The following ACVR2B variants were observed in gnomAD, a reference collection of about 807,000 sequenced individuals.
ACVR2B encodes activin A receptor type 2B, also known as activin receptor type-2B.
In ACVR2B, 18 loss-of-function variants were observed where a neutral mutation model predicts 65.1. The observed-to-expected ratio is 0.28, with a 90% CI of 0.19 to 0.41. The LOEUF (loss-of-function observed/expected upper bound fraction) is 0.41. Among genes scored for constraint, ACVR2B ranks in the 10% least tolerant of loss-of-function variants. The probability of loss-of-function intolerance (pLI) is 1.00; values close to 1 mark genes in which losing one functional copy is unlikely to be tolerated. For missense variants in ACVR2B, 482 were observed against 682.7 expected (o/e 0.71, Z 3.28); for synonymous variants, 298 against 277.7 (o/e 1.07, Z -0.73).
In ACVR2B at chr3:38,489,909, A is replaced by G. The variant is rs1252762159; in HGVS notation, c.*6577A>G. 1.3e-5 allele frequency: 2 copies of G among 152,214 alleles called. No individual in the cohort carries two copies. The highest frequency in any genetic ancestry group is 6.5e-5 in the Admixed American group (1 of 15,276). 9.4% of individuals were successfully genotyped at this position (152,214 alleles called of 1,614,324 possible). On this transcript the variant is annotated 3_prime_UTR_variant, in exon 11 of 11. Transcript: ENST00000352511. ...GGCATGTGGATGCAGTGATCCAATT[A>G]AATGGAGAGCTGCCAGGCACATTTT...
In ACVR2B at chr3:38,477,178, C is replaced by T. The variant is rs943564202; in HGVS notation, c.53-109C>T. 1.1e-5 allele frequency: 15 copies of T among 1,347,666 alleles called. No individual in the cohort carries two copies. The African/African-American group carries it at 1.9e-4, about 17-fold the overall frequency. 83.5% of individuals were successfully genotyped at this position (1,347,666 alleles called of 1,614,324 possible). On this transcript the variant is annotated intron_variant, in intron 1 of 10. Coordinates refer to ENST00000352511, the MANE Select transcript of ACVR2B (RefSeq NM_001106.4). This position sits in a 1 kb window ranked among gnomAD's most constrained non-coding sequence, Gnocchi z 6.7. Reference sequence around the variant, plus strand: ...GCAGGAGGTTGGTGACCCCAACCCACCACCCGGCCTCCCTCCCTCAGGGTG... The same window carrying T: ...GCAGGAGGTTGGTGACCCCAACCCATCACCCGGCCTCCCTCCCTCAGGGTG...
chr3:38,473,633 A>T (rs1321517818), intron 1 of ACVR2B: 1 of 152,284 alleles, frequency 6.6e-6, no homozygotes, highest in African/African-American at 2.4e-5. Context: ...GCATGGTGTG[A>T]CTTGATGGGC....
rs749624641 is a variant in ACVR2B, at chr3:38,478,439, A to C, written c.587A>C (p.Lys196Thr). 3.7e-6 allele frequency: 6 copies of C among 1,614,134 alleles called. No homozygotes were observed. The South Asian group carries it at 5.5e-5, about 15-fold the overall frequency. ...GLKPLQLLEI[K>T]ARGRFGCVWK... Reference sequence around the variant, plus strand: ...AAGCCACTGCAGCTGCTGGAGATCAAGGCTCGGGGGCGCTTTGGCTGTGTC... The same window carrying C: ...AAGCCACTGCAGCTGCTGGAGATCACGGCTCGGGGGCGCTTTGGCTGTGTC... Residue 196 changes from lysine to threonine, a missense_variant, in exon 5 of 11, where the codon AAG becomes ACG. Lys to Thr is a moderately conservative substitution (Grantham distance 78). Transcript: ENST00000352511.
Position 38,477,580 on chromosome 3 carries a change from G to A in ACVR2B, c.260+86G>A. On this transcript the variant is annotated intron_variant, in intron 2 of 10. Transcript: ENST00000352511. The surrounding 1 kb of genome is among the most constrained non-coding windows in gnomAD (Gnocchi z 6.7). ...GCCATTTGGGTCTCAGGATGTCTGAGTGGGAGATAAAGGACCAAGAAGGGG... is the reference window on the plus strand; with the variant it reads ...GCCATTTGGGTCTCAGGATGTCTGAATGGGAGATAAAGGACCAAGAAGGGG... 3.4e-6 allele frequency: 5 copies of A among 1,476,314 alleles called. No homozygotes were observed. Among genetic ancestry groups the A allele is most frequent in the Non-Finnish European group, 4.7e-6 (5 of 1,074,976 alleles). The allele number at this position is 1,476,314 out of a possible 1,614,324, so 91.5% of individuals were successfully genotyped here.
At chr3:38,461,573 C>T (rs1709647656) in intron 1 of ACVR2B, among the ~76,000 whole-genome samples, 1 of 152,226 alleles carries the variant, frequency 6.6e-6, no homozygotes, top group East Asian at 1.9e-4. Context: ...AGGGCCAGGG[C>T]AATGTAGTCC....
chr3:38,470,100 G>C (rs1014358517), intron 1 of ACVR2B, among the ~76,000 whole-genome samples: 1 of 152,142 alleles, frequency 6.6e-6, no homozygotes, highest in African/African-American at 2.4e-5. Context: ...AGGGTTAAGA[G>C]ACTGGGCAGA....
At chr3:38,455,804 A>G (rs1709540677) in intron 1 of ACVR2B, among the ~76,000 whole-genome samples, 3 of 152,126 alleles carry the variant, frequency 2.0e-5, no homozygotes, top group Non-Finnish European at 4.4e-5. Flanking sequence ...CCTTTTCCCC[A>G]AGAAGGAGTG....
intron 1 of ACVR2B, chr3:38,476,004 G>C (rs1479978160): frequency 6.6e-6 from 1 of 152,334 alleles, no homozygotes; most frequent in African/African-American, 2.4e-5. Flanking sequence ...CTATCCTCTC[G>C]GGTGTCTGTG....
intron 1 of ACVR2B, among the ~76,000 whole-genome samples, chr3:38,466,161 G>A (rs914644667): frequency 2.0e-5 from 3 of 152,198 alleles, no homozygotes; most frequent in African/African-American, 7.2e-5. Context: ...ATCTAAAAAG[G>A]TTGATCTCAT....
chr3:38,491,843 G>A lies in ACVR2B; in HGVS notation c.*8511G>A, dbSNP rs2059812537. 6.6e-6 allele frequency: 1 copy of A among 152,134 alleles called. No homozygotes were observed. The highest frequency in any genetic ancestry group is 1.5e-5 in the Non-Finnish European group (1 of 68,042). The allele number at this position is 152,134 out of a possible 1,614,324, so 9.4% of individuals were successfully genotyped here. A position where few individuals can be genotyped will look rare whatever the true frequency, so the allele number is the denominator to read the frequency against. ...AGAATTGAGGGAGAGGGTTACCGCA[G>A]AGTAGAAATATATTTCTAGATTTCA... On this transcript the variant is annotated 3_prime_UTR_variant, in exon 11 of 11. Coordinates refer to ENST00000352511, the MANE Select transcript of ACVR2B (RefSeq NM_001106.4).
rs1463962554 is a variant in ACVR2B, at chr3:38,491,248, T to A, written c.*7916T>A. The A allele has an allele frequency of 6.6e-6, 1 of 152,626 alleles. No individual in the cohort carries two copies. The highest frequency in any genetic ancestry group is 1.5e-5 in the Non-Finnish European group (1 of 68,042). The allele number at this position is 152,626 out of a possible 1,614,324, so 9.5% of individuals were successfully genotyped here. On this transcript the variant is annotated 3_prime_UTR_variant, in exon 11 of 11. Transcript: ENST00000352511. ...TTAACCAGCAGTCACCGCATCTGAATTTTTGTCTCTGGGGCATAGATGGCA... is the reference window on the plus strand; with the variant it reads ...TTAACCAGCAGTCACCGCATCTGAAATTTTGTCTCTGGGGCATAGATGGCA...
chr3:38,482,126 G>A (rs1238852883), intron 8 of ACVR2B, 72 bp from the exon 9 acceptor site: 26 of 1,608,308 alleles, frequency 1.6e-5, no homozygotes, highest in Non-Finnish European at 2.1e-5. Flanking sequence ...CACAGAGGCT[G>A]TAACTCCCAT....
At chr3:38,478,615 T>C (rs945661594) in intron 5 of ACVR2B, 97 bp downstream of exon 5, 88 of 1,552,492 alleles carry the variant, frequency 5.7e-5, no homozygotes, top group Non-Finnish European at 7.2e-5. Context: ...CCAAATAATA[T>C]TGTGGTATGA....
At chr3:38,462,489 G>T (rs1437695777) in intron 1 of ACVR2B, among the ~76,000 whole-genome samples, 1 of 152,136 alleles carries the variant, frequency 6.6e-6, no homozygotes, top group African/African-American at 2.4e-5. Flanking sequence ...ACTTCTAACA[G>T]CATAAAATAG....
At chr3:38,480,529 A>G (rs543511526) in intron 7 of ACVR2B, among the ~76,000 whole-genome samples, 10 of 152,320 alleles carry the variant, frequency 6.6e-5, no homozygotes, top group Admixed American at 5.9e-4. Context: ...GAGAAGTTGA[A>G]TGACTTAGCC....
chr3:38,479,935 C>G, intron 7 of ACVR2B, 109 bp downstream of exon 7: 2 of 1,382,890 alleles, frequency 1.4e-6, no homozygotes, highest in Non-Finnish European at 2.0e-6. Context: ...CATACTTACC[C>G]TGCTTGCTGT....
In ACVR2B at chr3:38,490,751, C is replaced by T. The variant is rs763827994; in HGVS notation, c.*7419C>T. On this transcript the variant is annotated 3_prime_UTR_variant, in exon 11 of 11. Coordinates refer to ENST00000352511, the MANE Select transcript of ACVR2B (RefSeq NM_001106.4). Reference sequence around the variant, plus strand: ...TCCTCTTGATACTGCAGACTTTTAACGTACACATGCAGGAACCCTGCTGAG... The same window carrying T: ...TCCTCTTGATACTGCAGACTTTTAATGTACACATGCAGGAACCCTGCTGAG... 6.6e-6 allele frequency: 1 copy of T among 152,628 alleles called. No homozygotes were observed. Among genetic ancestry groups the T allele is most frequent in the African/African-American group, 2.4e-5 (1 of 41,434 alleles). The allele number at this position is 152,628 out of a possible 1,614,324, so 9.5% of individuals were successfully genotyped here.
chr3:38,468,045 A>G (rs1709761479), intron 1 of ACVR2B, among the ~76,000 whole-genome samples: 1 of 152,014 alleles, frequency 6.6e-6, no homozygotes, highest in Admixed American at 6.6e-5. Context: ...CAACTGGCTA[A>G]TTTTTTGTAT....
At chr3:38,464,919 A>T (rs1559647771) in intron 1 of ACVR2B, among the ~76,000 whole-genome samples, 1 of 152,096 alleles carries the variant, frequency 6.6e-6, no homozygotes, top group Non-Finnish European at 1.5e-5. Context: ...TCTGGGATTA[A>T]TGGTACCTTT....
Sources: allele counts gnomAD v4.1 joint callset (sites outside exome capture counted in the v4.1 genomes callset), GRCh38; gene constraint gnomAD v4.1.1; non-coding constraint Gnocchi (gnomAD v3.1); transcripts MANE v1.5; gene names NCBI Gene and HGNC (gene_info 2026-07-23, HGNC 2026-07-21).